The following PHF24 variants were observed in gnomAD, a reference collection of about 807,000 sequenced individuals.
PHF24 encodes the protein Galpha inhibitory interacting protein.
Under a neutral mutation model 42.6 loss-of-function variants are expected in PHF24, and 25 were observed. The observed-to-expected ratio is 0.59, with a 90% CI of 0.43 to 0.82. PHF24 has a LOEUF of 0.82. Ranked by LOEUF, PHF24 falls within the 40% of genes least tolerant of loss-of-function variation. The probability of loss-of-function intolerance (pLI) is 0.00; values close to 1 mark genes in which losing one functional copy is unlikely to be tolerated. For missense variants in PHF24, 470 were observed against 538.1 expected, an observed-to-expected ratio of 0.87 and a Z score of 1.25; for synonymous variants, 185 against 204.8, an observed-to-expected ratio of 0.90 and a Z score of 0.83.
the PHF24 span, among the ~76,000 whole-genome samples, chr9:34,745,112 A>G: frequency 1.3e-5 from 2 of 152,226 alleles, no homozygotes; most frequent in Non-Finnish European, 2.9e-5. Context: ...AGGAGGGATT[A>G]GAGCAAGGAG....
At chr9:34,801,504 G>T in the PHF24 span, among the ~76,000 whole-genome samples, 1 of 152,086 alleles carries the variant, frequency 6.6e-6, no homozygotes, top group Admixed American at 6.6e-5. Flanking sequence ...GAGGTGGGCG[G>T]ATCACGAGGT....
chr9:34,862,938 C>T, the PHF24 span, among the ~76,000 whole-genome samples: 1 of 151,786 alleles, frequency 6.6e-6, no homozygotes, highest in Non-Finnish European at 1.5e-5. Flanking sequence ...GAGTCCTAGG[C>T]CAGACAGCAT....
At chr9:34,840,535 CCTT>C in the PHF24 span, among the ~76,000 whole-genome samples, 1 of 150,276 alleles carries the variant, frequency 6.7e-6, no homozygotes, top group Non-Finnish European at 1.5e-5. Context: ...CTCCTCTTCT[CCTT>C]CCTTCTTCTT....
At chr9:34,922,349 A>G in the PHF24 span, 1 of 1,558,134 alleles carries the variant, frequency 6.4e-7, no homozygotes, top group Non-Finnish European at 8.8e-7. Context: ...CTGTCTTTGC[A>G]AGAGAGCAGG....
chr9:34,671,853 A>ATCTT, the PHF24 span, among the ~76,000 whole-genome samples: 21 of 149,894 alleles, frequency 1.4e-4, no homozygotes, highest in African/African-American at 4.9e-4. Context: ...CCATCCATCC[A>ATCTT]TGTGTCTATA....
At chr9:34,843,730 T>G in the PHF24 span, among the ~76,000 whole-genome samples, 1 of 152,102 alleles carries the variant, frequency 6.6e-6, no homozygotes, top group African/African-American at 2.4e-5. Context: ...TTTTTTTTAT[T>G]TAATTTTTTA....
At chr9:34,897,048 C>T in the PHF24 span, among the ~76,000 whole-genome samples, 1 of 152,076 alleles carries the variant, frequency 6.6e-6, no homozygotes, top group Non-Finnish European at 1.5e-5. Context: ...CCCAGCTACT[C>T]AGGAGGCTGA....
At chr9:34,749,999 A>G in the PHF24 span, among the ~76,000 whole-genome samples, 1 of 152,304 alleles carries the variant, frequency 6.6e-6, no homozygotes, top group East Asian at 1.9e-4. Flanking sequence ...TATCCTTCAC[A>G]CATGAAGGAG....
chr9:34,909,813 G>A, the PHF24 span, among the ~76,000 whole-genome samples: 3 of 152,060 alleles, frequency 2.0e-5, no homozygotes, highest in East Asian at 1.9e-4. Flanking sequence ...TGGTAGAGAC[G>A]GGGTTTCACT....
intron 1 of PHF24, among the ~76,000 whole-genome samples, chr9:34,959,858 A>T (rs1826528302): frequency 6.6e-6 from 1 of 151,250 alleles, no homozygotes. Flanking sequence ...GAGAAAGGAG[A>T]GACAGGATCA....
At chr9:34,839,296 C>T in the PHF24 span, among the ~76,000 whole-genome samples, 4 of 152,144 alleles carry the variant, frequency 2.6e-5, no homozygotes, top group South Asian at 4.1e-4. Context: ...GGCTTTGGGT[C>T]GCAAACTGGT....
chr9:34,827,412 G>C, the PHF24 span, among the ~76,000 whole-genome samples: 2 of 152,164 alleles, frequency 1.3e-5, no homozygotes, highest in African/African-American at 4.8e-5. Flanking sequence ...CATGGGGTGG[G>C]CCCCCAACCC....
At chr9:34,796,336 A>G in the PHF24 span, among the ~76,000 whole-genome samples, 5 of 152,150 alleles carry the variant, frequency 3.3e-5, no homozygotes, top group Non-Finnish European at 5.9e-5. Flanking sequence ...CTTAGACATG[A>G]TACTAAAAGA....
the PHF24 span, among the ~76,000 whole-genome samples, chr9:34,763,595 G>T: frequency 4.1e-4 from 62 of 152,194 alleles, no homozygotes; most frequent in African/African-American, 1.4e-3. Flanking sequence ...AGGAGATTTT[G>T]GGCTGAGACA....
the PHF24 span, among the ~76,000 whole-genome samples, chr9:34,927,280 T>C: frequency 1.3e-5 from 2 of 152,168 alleles, no homozygotes; most frequent in Non-Finnish European, 2.9e-5. Flanking sequence ...CGTATGGCAT[T>C]CAGCCAACCG....
chr9:34,824,978 T>C, the PHF24 span, among the ~76,000 whole-genome samples: 1 of 152,136 alleles, frequency 6.6e-6, no homozygotes, highest in Non-Finnish European at 1.5e-5. Context: ...TCTTTGGAAA[T>C]GGGGTTGGAG....
chr9:34,899,911 T>C, the PHF24 span, among the ~76,000 whole-genome samples: 1 of 152,202 alleles, frequency 6.6e-6, no homozygotes, highest in Admixed American at 6.5e-5. Context: ...TCCAGACTAA[T>C]GAATCGGAAT....
the PHF24 span, among the ~76,000 whole-genome samples, chr9:34,795,261 A>G: frequency 9.0e-3 from 1,352 of 151,052 alleles, 13 homozygotes; most frequent in African/African-American, 0.027. Context: ...GAGAGAGAGA[A>G]AAAAAAAACT....
At chr9:34,803,397 GA>G in the PHF24 span, among the ~76,000 whole-genome samples, 87,637 of 147,334 alleles carry the variant, frequency 0.59, 26,142 homozygotes, top group African/African-American at 0.63. Context: ...TTCTAAAAAG[GA>G]AAAAAAAAAA....
Sources: allele counts gnomAD v4.1 joint callset (sites outside exome capture counted in the v4.1 genomes callset), GRCh38; gene constraint gnomAD v4.1.1; transcripts MANE v1.5; gene names NCBI Gene and HGNC (gene_info 2026-07-23, HGNC 2026-07-21).